B3GALT1: variants seen among roughly 807,000 people sequenced by gnomAD.
The protein encoded by B3GALT1 is beta-1,3-galactosyltransferase 1, also known as UDP-Gal:betaGlcNAc beta 1,3-galactosyltransferase, polypeptide 1.
B3GALT1 carries 10 observed loss-of-function variants against 23.2 expected under a neutral mutation model. That is an observed-to-expected ratio of 0.43 (90% confidence interval 0.27 to 0.73). B3GALT1 has a LOEUF of 0.73. Among genes scored for constraint, B3GALT1 ranks in the 30% least tolerant of loss-of-function variants. The pLI, the probability that B3GALT1 is intolerant of heterozygous loss-of-function variation, is 0.21. For missense variants in B3GALT1, 299 were observed against 405.4 expected, an observed-to-expected ratio of 0.74 and a Z score of 2.25; for synonymous variants, 156 against 141.5, an observed-to-expected ratio of 1.10 and a Z score of -0.73.
chr2:167,703,836 TACTG>T (rs1170480689), intron 3 of B3GALT1, among the ~76,000 whole-genome samples: 1 of 152,140 alleles, frequency 6.6e-6, no homozygotes, highest in Non-Finnish European at 1.5e-5. Flanking sequence ...AAAAGACTCC[TACTG>T]ACTGACCCCT....
chr2:167,513,047 A>G (rs1700050301), intron 2 of B3GALT1, among the ~76,000 whole-genome samples: 1 of 144,772 alleles, frequency 6.9e-6, no homozygotes, highest in South Asian at 2.2e-4. Context: ...TCACAACACT[A>G]TATATGGGGT....
chr2:167,418,120 C>G (rs542919642), intron 1 of B3GALT1, among the ~76,000 whole-genome samples: 2 of 152,272 alleles, frequency 1.3e-5, no homozygotes, highest in South Asian at 4.1e-4. Context: ...CCATGTTATG[C>G]TCCTTCGTTT....
chr2:167,623,803 T>A (rs11694776), intron 2 of B3GALT1, among the ~76,000 whole-genome samples: 4,774 of 152,088 alleles, frequency 0.031, 123 homozygotes, highest in South Asian at 0.1. Context: ...GAACATAAAT[T>A]CAATTGAATG....
chr2:167,826,545 C>T (rs1320258245), intron 4 of B3GALT1, among the ~76,000 whole-genome samples: 1 of 152,098 alleles, frequency 6.6e-6, no homozygotes, highest in Non-Finnish European at 1.5e-5. Flanking sequence ...GATTAGAAGA[C>T]ACCCTGTCAG....
chr2:167,846,265 C>G (rs1689759284), intron 4 of B3GALT1, among the ~76,000 whole-genome samples: 1 of 152,062 alleles, frequency 6.6e-6, no homozygotes, highest in Non-Finnish European at 1.5e-5. Flanking sequence ...GGAAATTGAT[C>G]GCAGAAAGAT....
intron 1 of B3GALT1, among the ~76,000 whole-genome samples, chr2:167,461,945 T>C (rs1476404191): frequency 6.6e-6 from 1 of 152,206 alleles, no homozygotes; most frequent in African/African-American, 2.4e-5. Context: ...CAACTATTTG[T>C]GTGGGGGCAA....
intron 1 of B3GALT1, among the ~76,000 whole-genome samples, chr2:167,310,800 A>T (rs929322080): frequency 6.6e-6 from 1 of 152,056 alleles, no homozygotes; most frequent in Non-Finnish European, 1.5e-5. Flanking sequence ...CTGGAAGATG[A>T]GTTAAAGGCC....
At position 167,557,133 on chromosome 2, in the gene B3GALT1, G is replaced by A. The variant is rs1008005374; in HGVS notation, c.-410+66856G>A. On this transcript the variant is annotated intron_variant, in intron 2 of 4. Coordinates refer to ENST00000392690, the MANE Select transcript of B3GALT1 (RefSeq NM_020981.4). ...CTATAAAAGCTGGTTATCTACATAA[G>A]TACATTAGTCTTTTTTTTTTTAATT... 2.6e-5 allele frequency among the ~76,000 whole-genome samples: 4 copies of A among 151,558 alleles called. No individual in the cohort carries two copies. The South Asian group carries it at 8.3e-4, about 31-fold the overall frequency.
intron 2 of B3GALT1, among the ~76,000 whole-genome samples, chr2:167,518,039 A>C (rs7425690): frequency 0.5 from 75,953 of 151,848 alleles, 20,264 homozygotes; most frequent in East Asian, 0.82. Context: ...ACAACAACAA[A>C]AAAAATTGTA....
chr2:167,448,948 A>T (rs903942520), intron 1 of B3GALT1, among the ~76,000 whole-genome samples: 2 of 151,770 alleles, frequency 1.3e-5, no homozygotes, highest in African/African-American at 4.8e-5. Flanking sequence ...ATTCCATTTT[A>T]TTGGTTTGTA....
intron 4 of B3GALT1, among the ~76,000 whole-genome samples, chr2:167,845,910 A>G (rs772166926): frequency 5.3e-5 from 8 of 152,164 alleles, no homozygotes; most frequent in Admixed American, 1.3e-4. Context: ...CAAAAAAACA[A>G]AAAACAAAAA....
intron 1 of B3GALT1, among the ~76,000 whole-genome samples, chr2:167,392,384 A>C (rs1426624587): frequency 6.6e-6 from 1 of 152,088 alleles, no homozygotes; most frequent in Non-Finnish European, 1.5e-5. Context: ...TTCTTTTATC[A>C]ATCTTATTTT....
intron 1 of B3GALT1, among the ~76,000 whole-genome samples, chr2:167,487,295 C>G (rs537379006): frequency 6.6e-6 from 1 of 152,110 alleles, no homozygotes; most frequent in Non-Finnish European, 1.5e-5. Flanking sequence ...TAATGTTGTG[C>G]GTGTTTTGCT....
chr2:167,520,717 A>G (rs910157565), intron 2 of B3GALT1, among the ~76,000 whole-genome samples: 4 of 152,164 alleles, frequency 2.6e-5, no homozygotes, highest in African/African-American at 9.6e-5. Context: ...TGGTAAAGCT[A>G]TGTTTCATCT....
At chr2:167,824,762 G>A (rs1157806832) in intron 4 of B3GALT1, among the ~76,000 whole-genome samples, 3 of 152,266 alleles carry the variant, frequency 2.0e-5, no homozygotes, top group South Asian at 4.1e-4. Context: ...AATGGCTCCA[G>A]GTCTTTCCGA....
chr2:167,705,466 C>CT (rs928213772), intron 3 of B3GALT1, among the ~76,000 whole-genome samples: 112 of 142,732 alleles, frequency 7.8e-4, no homozygotes, highest in African/African-American at 2.3e-3. Context: ...AATCAAGATG[C>CT]TTTTTTTTAA....
Position 167,689,196 on chromosome 2 carries a change from A to G in B3GALT1, c.-352+42230A>G, listed in dbSNP as rs886443154. ...AACAACAGGGAAATGCATTACTTAT[A>G]GAGCAAAACAGTTTGAATGACAGTG... On this transcript the variant is annotated intron_variant, in intron 3 of 4. Transcript: ENST00000392690. 3.4e-4 allele frequency among the ~76,000 whole-genome samples: 51 copies of G among 152,160 alleles called. 1 individual carries two copies. The highest frequency in any genetic ancestry group is 1.2e-3 in the African/African-American group (50 of 41,536).
chr2:167,430,883 G>A (rs1023669015), intron 1 of B3GALT1, among the ~76,000 whole-genome samples: 1 of 152,196 alleles, frequency 6.6e-6, no homozygotes, highest in South Asian at 2.1e-4. Context: ...CTCAGAGAAT[G>A]CAGTATACAT....
At chr2:167,500,763 G>C (rs920129510) in intron 2 of B3GALT1, among the ~76,000 whole-genome samples, 22 of 152,140 alleles carry the variant, frequency 1.4e-4, no homozygotes, top group African/African-American at 5.3e-4. Context: ...ATGTTATTGA[G>C]ACTTTCAATT....
Sources: gnomAD v4.1 joint callset for allele counts (sites outside exome capture counted in the v4.1 genomes callset) on GRCh38, gnomAD v4.1.1 for gene constraint, MANE v1.5 for transcripts, NCBI Gene and HGNC (gene_info 2026-07-23, HGNC 2026-07-21) for gene names.